TAFA1: variants seen among roughly 807,000 people sequenced by gnomAD.
The protein encoded by TAFA1 is chemokine-like protein TAFA-1.
TAFA1 carries 4 observed loss-of-function variants against 18.5 expected under a neutral mutation model. That is an observed-to-expected ratio of 0.22 (90% CI 0.11 to 0.49). The LOEUF (loss-of-function observed/expected upper bound fraction) is 0.49. Ranked by LOEUF, TAFA1 falls within the 20% of genes least tolerant of loss-of-function variation. TAFA1 has a pLI of 0.98. For synonymous variants in TAFA1, 56 were observed against 55.2 expected (o/e 1.01, Z -0.06); for missense variants, 147 against 169.0 (o/e 0.87, Z 0.72).
the TAFA1 span, among the ~76,000 whole-genome samples, chr3:67,996,182 A>G: frequency 2.6e-5 from 4 of 152,200 alleles, no homozygotes; most frequent in Non-Finnish European, 4.4e-5. Flanking sequence ...CTTGGTAAAC[A>G]AATGACTGCC....
At chr3:68,431,153 C>T (rs111619687) in intron 3 of TAFA1, among the ~76,000 whole-genome samples, 451 of 152,038 alleles carry the variant, frequency 3.0e-3, no homozygotes, top group African/African-American at 0.01. Context: ...TCCATGAAAT[C>T]TGGGGTAGTA....
At chr3:68,433,892 C>T (rs1211009963) in intron 3 of TAFA1, among the ~76,000 whole-genome samples, 1 of 152,098 alleles carries the variant, frequency 6.6e-6, no homozygotes, top group African/African-American at 2.4e-5. Context: ...GAACACTTCA[C>T]TGTTAAAGTG....
chr3:68,110,265 A>G (rs2065249093), intron 2 of TAFA1, among the ~76,000 whole-genome samples: 1 of 152,162 alleles, frequency 6.6e-6, no homozygotes, highest in Admixed American at 6.5e-5. Flanking sequence ...GATCAGGATA[A>G]TGGCTTCCAG....
intron 3 of TAFA1, among the ~76,000 whole-genome samples, chr3:68,532,816 A>T (rs973264688): frequency 2.0e-5 from 3 of 151,736 alleles, no homozygotes; most frequent in African/African-American, 4.8e-5. Context: ...ATTTTTTTTT[A>T]AATTGCAGAA....
chr3:68,328,751 CTT>C (rs1479786829), intron 2 of TAFA1, among the ~76,000 whole-genome samples: 1 of 151,988 alleles, frequency 6.6e-6, no homozygotes, highest in African/African-American at 2.4e-5. Context: ...AAAATAAACT[CTT>C]TATATATAAT....
chr3:68,495,492 G>A (rs1280227885), intron 3 of TAFA1, among the ~76,000 whole-genome samples: 1 of 152,086 alleles, frequency 6.6e-6, no homozygotes, highest in Non-Finnish European at 1.5e-5. Flanking sequence ...GACTGCTTGG[G>A]ACCTCAATAT....
intron 3 of TAFA1, among the ~76,000 whole-genome samples, chr3:68,458,191 C>T (rs960448748): frequency 6.6e-6 from 1 of 151,954 alleles, no homozygotes; most frequent in Non-Finnish European, 1.5e-5. Flanking sequence ...GTAGCACCTC[C>T]CCCTTCTCTC....
chr3:68,146,019 C>T (rs2065736048), intron 2 of TAFA1, among the ~76,000 whole-genome samples: 2 of 152,152 alleles, frequency 1.3e-5, no homozygotes, highest in South Asian at 4.1e-4. Context: ...TGGATTTTAT[C>T]AGTTTTTTCC....
intron 2 of TAFA1, among the ~76,000 whole-genome samples, chr3:68,071,415 C>A (rs936842960): frequency 1.3e-5 from 2 of 151,916 alleles, no homozygotes; most frequent in Non-Finnish European, 2.9e-5. Context: ...GTGGGAGAGA[C>A]AATTCAAGAT....
chr3:68,195,018 C>T lies in TAFA1; in HGVS notation c.118+188274C>T, dbSNP rs191427427. 7.5e-4 allele frequency among the ~76,000 whole-genome samples: 114 copies of T among 151,554 alleles called. 1 individual carries two copies. Among genetic ancestry groups the T allele is most frequent in the African/African-American group, 2.6e-3 (109 of 41,382 alleles). ...GTAATCCTGTTTAAAGTGGATATAT[C>T]CCTTACATGCCCATCCATGTCTGGG... On this transcript the variant is annotated intron_variant, in intron 2 of 4. Transcript: ENST00000478136.
chr3:68,323,921 G>T (rs990418913), intron 2 of TAFA1, among the ~76,000 whole-genome samples: 8 of 152,110 alleles, frequency 5.3e-5, no homozygotes, highest in Admixed American at 3.3e-4. Context: ...AGTGCCTGAG[G>T]AAATACCAGA....
rs1190688347 is a variant in TAFA1 at position 68,191,543 on chromosome 3, C to A, written c.118+184799C>A. ...CTATTGGTTTGGCTTTAGTACATACCTGTAGGATTGATGAATTGAAATATT... is the reference window on the plus strand; with the variant it reads ...CTATTGGTTTGGCTTTAGTACATACATGTAGGATTGATGAATTGAAATATT... On this transcript the variant is annotated intron_variant, in intron 2 of 4. Transcript: ENST00000478136. Among the ~76,000 whole-genome samples, 42 of 151,846 alleles carry A rather than the reference C, an allele frequency of 2.8e-4. No individual in the cohort carries two copies. The South Asian group carries it at 8.5e-3, about 31-fold the overall frequency.
chr3:68,399,921 C>T (rs1299355261), intron 2 of TAFA1, among the ~76,000 whole-genome samples: 1 of 152,184 alleles, frequency 6.6e-6, no homozygotes, highest in East Asian at 1.9e-4. Flanking sequence ...CGCCTCTCTG[C>T]ACTGGTCTCC....
chr3:68,408,903 A>G (rs181795801), intron 2 of TAFA1, among the ~76,000 whole-genome samples: 1 of 152,308 alleles, frequency 6.6e-6, no homozygotes, highest in East Asian at 1.9e-4. Context: ...TTACATACCA[A>G]ACAAGTGCCA....
intron 2 of TAFA1, among the ~76,000 whole-genome samples, chr3:68,173,969 A>G (rs1047031863): frequency 6.6e-6 from 1 of 152,218 alleles, no homozygotes; most frequent in African/African-American, 2.4e-5. Context: ...ATCACCCAAC[A>G]TATTTTAAAA....
chr3:68,490,208 C>A (rs1296866264), intron 3 of TAFA1, among the ~76,000 whole-genome samples: 1 of 152,102 alleles, frequency 6.6e-6, no homozygotes, highest in African/African-American at 2.4e-5. Context: ...TTCAACATTT[C>A]AAAAGTCTGC....
intron 2 of TAFA1, among the ~76,000 whole-genome samples, chr3:68,087,261 G>T (rs987911060): frequency 2.6e-5 from 4 of 152,034 alleles, no homozygotes; most frequent in Non-Finnish European, 5.9e-5. Flanking sequence ...TGTTAATTTG[G>T]TTTGGGAAGT....
chr3:68,363,321 C>A (rs910079217), intron 2 of TAFA1, among the ~76,000 whole-genome samples: 1 of 152,116 alleles, frequency 6.6e-6, no homozygotes, highest in Non-Finnish European at 1.5e-5. Flanking sequence ...AGAAAATGAA[C>A]CACGATGGGT....
chr3:68,176,136 C>G (rs555119185), intron 2 of TAFA1, among the ~76,000 whole-genome samples: 1 of 152,276 alleles, frequency 6.6e-6, no homozygotes, highest in East Asian at 1.9e-4. Flanking sequence ...TCTTCCCAGT[C>G]TCAGGTACGT....
Sources: gnomAD v4.1 joint callset for allele counts (sites outside exome capture counted in the v4.1 genomes callset) on GRCh38, gnomAD v4.1.1 for gene constraint, MANE v1.5 for transcripts, NCBI Gene and HGNC (gene_info 2026-07-23, HGNC 2026-07-21) for gene names.